The following MKLN1 variants were observed in gnomAD, a reference collection of about 807,000 sequenced individuals.
MKLN1 encodes the protein muskelin 1, also known as muskelin.
MKLN1 carries 18 observed loss-of-function variants against 99.0 expected under a neutral mutation model. The ratio of observed to expected loss-of-function variants is 0.18; its 90% CI spans 0.13 to 0.27. The LOEUF (loss-of-function observed/expected upper bound fraction) is 0.27, where lower values mean the gene tolerates loss of function less well. MKLN1 is among the 10% of genes least tolerant of loss of function. MKLN1 has a pLI of 1.00. For missense variants in MKLN1, 621 were observed against 875.9 expected, an observed-to-expected ratio of 0.71 and a Z score of 3.67; for synonymous variants, 288 against 293.2, an observed-to-expected ratio of 0.98 and a Z score of 0.18.
intron 3 of MKLN1, among the ~76,000 whole-genome samples, chr7:131,225,623 C>A (rs992663768): frequency 2.0e-5 from 3 of 152,126 alleles, no homozygotes; most frequent in African/African-American, 7.2e-5. Flanking sequence ...ATTCTAAGAC[C>A]CAGATCAGGG....
At chr7:131,483,040 T>G (rs1434417649) in intron 17 of MKLN1, among the ~76,000 whole-genome samples, 1 of 152,228 alleles carries the variant, frequency 6.6e-6, no homozygotes, top group Non-Finnish European at 1.5e-5. Context: ...ATATGCTACC[T>G]CTCACTGAGC....
chr7:131,317,088 T>G (rs1336521413), intron 3 of MKLN1, among the ~76,000 whole-genome samples: 1 of 152,154 alleles, frequency 6.6e-6, no homozygotes, highest in Non-Finnish European at 1.5e-5. Flanking sequence ...ACATTCAAAT[T>G]CAGGAAATAC....
intron 1 of MKLN1, among the ~76,000 whole-genome samples, chr7:131,359,990 C>T (rs978701496): frequency 1.3e-5 from 2 of 152,094 alleles, no homozygotes; most frequent in Non-Finnish European, 2.9e-5. Flanking sequence ...TTCAAATGAT[C>T]CACCCGCCTC....
At chr7:131,330,938 T>TTC (rs1799054752) in intron 1 of MKLN1, among the ~76,000 whole-genome samples, 1 of 152,150 alleles carries the variant, frequency 6.6e-6, no homozygotes, top group African/African-American at 2.4e-5. Context: ...ATTGCCTGTA[T>TTC]TTTACTTTTT....
intron 3 of MKLN1, among the ~76,000 whole-genome samples, chr7:131,227,543 T>TTCTTTCTTTCTTTCTTTCTC: frequency 1.4e-5 from 2 of 147,088 alleles, no homozygotes; most frequent in African/African-American, 5.0e-5. Flanking sequence ...CTTTCTCTCT[T>TTCTTTCTTTCTTTCTTTCTC]TCTTTTCCTT....
intron 3 of MKLN1, among the ~76,000 whole-genome samples, chr7:131,287,226 T>C (rs1258142923): frequency 6.6e-6 from 1 of 152,266 alleles, no homozygotes; most frequent in East Asian, 1.9e-4. Context: ...CTGGTTATTC[T>C]CCATCTGGCT....
At position 131,158,282 on chromosome 7, in the gene MKLN1, A is replaced by T. The variant is rs868053736; in HGVS notation, c.-297+15341A>T. 2.6e-5 allele frequency among the ~76,000 whole-genome samples: 4 copies of T among 152,138 alleles called. No homozygotes were observed. The East Asian group carries it at 7.7e-4, about 29-fold the overall frequency. On this transcript the variant is annotated intron_variant, in intron 2 of 7. Coordinates refer to the MKLN1 transcript ENST00000416992. ...AGGCAAAACCCTGTCTCTACTAAAA[A>T]TATAAAAAAATCAGCTGGGCATGGT... is the stretch of plus-strand genomic sequence containing the variant.
upstream of MKLN1, chr7:131,327,252 C>G (rs535429627): frequency 1.1e-4 from 16 of 152,344 alleles, no homozygotes; most frequent in African/African-American, 3.6e-4. Flanking sequence ...CATTCCCGAG[C>G]AAACCAATGC....
At chr7:131,443,414 G>A (rs1795901553) in intron 10 of MKLN1, 67 bp from the exon 11 acceptor site, 1 of 1,155,730 alleles carries the variant, frequency 8.7e-7, no homozygotes, top group African/African-American at 1.5e-5. Flanking sequence ...TGTACATGTT[G>A]GTTTTGTTTT....
chr7:131,364,205 G>T (rs779904479), intron 1 of MKLN1, among the ~76,000 whole-genome samples: 1 of 150,244 alleles, frequency 6.7e-6, no homozygotes, highest in African/African-American at 2.5e-5. Flanking sequence ...AGAAAAAAAC[G>T]TTTGTTTATT....
intron 3 of MKLN1, among the ~76,000 whole-genome samples, chr7:131,304,149 G>A (rs1042913285): frequency 2.0e-5 from 3 of 152,146 alleles, no homozygotes; most frequent in Admixed American, 6.5e-5. Context: ...TGAGGCGGGA[G>A]GATCTCTTGA....
chr7:131,269,011 C>T (rs2116552755), intron 3 of MKLN1, among the ~76,000 whole-genome samples: 1 of 152,262 alleles, frequency 6.6e-6, no homozygotes, highest in Middle Eastern at 3.4e-3. Context: ...ATACCTGGAC[C>T]AAGCCCATGC....
intron 1 of MKLN1, among the ~76,000 whole-genome samples, chr7:131,367,817 A>G (rs1800225720): frequency 6.6e-6 from 1 of 152,194 alleles, no homozygotes; most frequent in Non-Finnish European, 1.5e-5. Context: ...TGAAATACTC[A>G]TAAGTAAAAA....
At chr7:131,214,735 T>C (rs1796954492) in intron 3 of MKLN1, among the ~76,000 whole-genome samples, 1 of 152,228 alleles carries the variant, frequency 6.6e-6, no homozygotes, top group Non-Finnish European at 1.5e-5. Context: ...GTAATCACTG[T>C]ACCATGTTCC....
intron 2 of MKLN1, among the ~76,000 whole-genome samples, chr7:131,180,823 A>G (rs1366503835): frequency 6.6e-6 from 1 of 152,216 alleles, no homozygotes; most frequent in Non-Finnish European, 1.5e-5. Context: ...ACAAACTGGT[A>G]AACATTTTCA....
At chr7:131,282,689 C>G (rs1488136797) in intron 3 of MKLN1, among the ~76,000 whole-genome samples, 1 of 152,018 alleles carries the variant, frequency 6.6e-6, no homozygotes, top group African/African-American at 2.4e-5. Flanking sequence ...CTCTTCCTAC[C>G]CATCTTCTTT....
intron 2 of MKLN1, among the ~76,000 whole-genome samples, chr7:131,192,229 CA>C (rs1796569395): frequency 1.6e-5 from 1 of 61,662 alleles, no homozygotes; most frequent in African/African-American, 8.4e-5. Flanking sequence ...AAAATATATA[CA>C]ATATATAAAT....
At chr7:131,318,872 A>C (rs1184744141) in intron 3 of MKLN1, among the ~76,000 whole-genome samples, 2 of 152,230 alleles carry the variant, frequency 1.3e-5, no homozygotes, top group Non-Finnish European at 2.9e-5. Context: ...CTGGACACAT[A>C]CACCCTCCCA....
chr7:131,131,650 G>C (rs545529039), intron 1 of MKLN1, among the ~76,000 whole-genome samples: 1 of 152,092 alleles, frequency 6.6e-6, no homozygotes, highest in Non-Finnish European at 1.5e-5. Flanking sequence ...CAGAAAGTCT[G>C]GTTTCAGAAG....
Sources: allele counts gnomAD v4.1 joint callset (sites outside exome capture counted in the v4.1 genomes callset), GRCh38; gene constraint gnomAD v4.1.1; transcripts MANE v1.5; gene names NCBI Gene and HGNC (gene_info 2026-07-23, HGNC 2026-07-21).